The following GALNT7 variants were observed in gnomAD, a reference collection of about 807,000 sequenced individuals.
The protein encoded by GALNT7 is polypeptide N-acetylgalactosaminyltransferase 7.
GALNT7 carries 60 observed loss-of-function variants against 82.1 expected under a neutral mutation model. The ratio of observed to expected loss-of-function variants is 0.73; its 90% CI spans 0.59 to 0.91. GALNT7 has a LOEUF of 0.91. Ranked by LOEUF, GALNT7 falls within the 40% of genes least tolerant of loss-of-function variation. The probability of loss-of-function intolerance (pLI) is 0.00; values close to 1 mark genes in which losing one functional copy is unlikely to be tolerated. For missense variants in GALNT7, 660 were observed against 804.2 expected (o/e 0.82, Z 2.17); for synonymous variants, 243 against 275.1 (o/e 0.88, Z 1.15).
At chr4:173,184,344 C>G (rs920899919) in intron 1 of GALNT7, among the ~76,000 whole-genome samples, 2 of 152,108 alleles carry the variant, frequency 1.3e-5, no homozygotes, top group Non-Finnish European at 2.9e-5. Flanking sequence ...CGTCTGCAAT[C>G]CCTGCACCTA....
intron 1 of GALNT7, among the ~76,000 whole-genome samples, chr4:173,226,345 C>T (rs1047072131): frequency 6.6e-6 from 1 of 152,104 alleles, no homozygotes; most frequent in Non-Finnish European, 1.5e-5. Flanking sequence ...CCTTATATTA[C>T]ATCGGATAAA....
At chr4:173,254,776 G>A (rs1011658004) in intron 2 of GALNT7, among the ~76,000 whole-genome samples, 4 of 152,114 alleles carry the variant, frequency 2.6e-5, no homozygotes, top group African/African-American at 9.7e-5. Context: ...GCAATTTTAG[G>A]TCTAATGTTC....
chr4:173,293,689 T>C (rs1736618575), intron 3 of GALNT7, among the ~76,000 whole-genome samples: 1 of 152,156 alleles, frequency 6.6e-6, no homozygotes, highest in Non-Finnish European at 1.5e-5. Context: ...TGCGACTGAG[T>C]TGGGCCGAAG....
intron 1 of GALNT7, among the ~76,000 whole-genome samples, chr4:173,176,086 TAAAAA>T (rs1415339291): frequency 2.6e-5 from 4 of 151,458 alleles, no homozygotes; most frequent in Middle Eastern, 3.4e-3. Flanking sequence ...AAAAAAAAAT[TAAAAA>T]CAAAAAGAAA....
chr4:173,318,669 C>T, intron 11 of GALNT7, 110 bp downstream of exon 11: 1 of 719,408 alleles, frequency 1.4e-6, no homozygotes, highest in Non-Finnish European at 2.3e-6. Context: ...AATTCACTTG[C>T]ATTTTCCTCT....
chr4:173,217,218 A>G (rs1419712992), intron 1 of GALNT7, among the ~76,000 whole-genome samples: 1 of 152,184 alleles, frequency 6.6e-6, no homozygotes, highest in East Asian at 1.9e-4. Flanking sequence ...ATGTATAGGC[A>G]TGATCCTCAT....
intron 8 of GALNT7, among the ~76,000 whole-genome samples, chr4:173,308,852 G>A (rs575706292): frequency 6.6e-6 from 1 of 152,300 alleles, no homozygotes; most frequent in South Asian, 2.1e-4. Flanking sequence ...GCAGTGAGCC[G>A]AGATCTCGCT....
intron 1 of GALNT7, among the ~76,000 whole-genome samples, chr4:173,176,160 A>G (rs1278341645): frequency 2.6e-5 from 4 of 152,350 alleles, no homozygotes; most frequent in Admixed American, 6.5e-5. Flanking sequence ...GCCAGAGCAG[A>G]GTCTTCAGGA....
At chr4:173,310,137 C>A (rs1439865338) in intron 8 of GALNT7, among the ~76,000 whole-genome samples, 8 of 152,210 alleles carry the variant, frequency 5.3e-5, no homozygotes, top group Non-Finnish European at 1.2e-4. Context: ...TCTGTTTCTC[C>A]AGCTCATTTG....
chr4:173,191,843 C>T (rs1732639388), intron 1 of GALNT7, among the ~76,000 whole-genome samples: 2 of 152,154 alleles, frequency 1.3e-5, no homozygotes, highest in Middle Eastern at 3.4e-3. Context: ...TGTGACTCAT[C>T]GAAAAACTAC....
chr4:173,308,819 C>A (rs1737260254), intron 8 of GALNT7, among the ~76,000 whole-genome samples: 1 of 152,164 alleles, frequency 6.6e-6, no homozygotes. Flanking sequence ...AGGAGAATCG[C>A]TTGAACCCTG....
At chr4:173,182,817 T>TACACACAC (rs66792322) in intron 1 of GALNT7, among the ~76,000 whole-genome samples, 68 of 134,920 alleles carry the variant, frequency 5.0e-4, no homozygotes, top group Middle Eastern at 8.5e-3. Context: ...TTACTCATAA[T>TACACACAC]ACACACACAC....
At chr4:173,177,013 G>A (rs1214360835) in intron 1 of GALNT7, among the ~76,000 whole-genome samples, 1 of 152,230 alleles carries the variant, frequency 6.6e-6, no homozygotes, top group East Asian at 1.9e-4. Flanking sequence ...GAATTGCCCA[G>A]TGGGAGGAGG....
intron 1 of GALNT7, among the ~76,000 whole-genome samples, chr4:173,225,785 G>C (rs1291653078): frequency 1.3e-5 from 2 of 152,192 alleles, no homozygotes; most frequent in Admixed American, 6.5e-5. Context: ...TGTTGTTAGA[G>C]ATACCTGACA....
At chr4:173,212,614 C>T (rs544070472) in intron 1 of GALNT7, among the ~76,000 whole-genome samples, 2 of 112,792 alleles carry the variant, frequency 1.8e-5, no homozygotes, top group South Asian at 7.7e-4. Context: ...TGTCTTCTGA[C>T]TCACTTCAGT....
chr4:173,190,728 G>A (rs1338743558), intron 1 of GALNT7, among the ~76,000 whole-genome samples: 2 of 151,978 alleles, frequency 1.3e-5, no homozygotes, highest in African/African-American at 4.8e-5. Flanking sequence ...TGTTCAGTAA[G>A]TTTATTGAAC....
At chr4:173,298,657 T>G (rs1736809017) in intron 6 of GALNT7, among the ~76,000 whole-genome samples, 1 of 152,238 alleles carries the variant, frequency 6.6e-6, no homozygotes, top group South Asian at 2.1e-4. Context: ...TTCTATAAAT[T>G]TAAAATACAT....
chr4:173,288,337 C>T (rs1005615034), intron 2 of GALNT7, among the ~76,000 whole-genome samples: 1 of 148,976 alleles, frequency 6.7e-6, no homozygotes, highest in African/African-American at 2.5e-5. Context: ...TGGCTGTCCT[C>T]TTGACTGTTA....
chr4:173,261,325 A>G (rs1008462176), intron 2 of GALNT7, among the ~76,000 whole-genome samples: 1 of 152,134 alleles, frequency 6.6e-6, no homozygotes, highest in South Asian at 2.1e-4. Context: ...ATATCCAGAG[A>G]AAACCCATGC....
Sources: allele counts gnomAD v4.1 joint callset (sites outside exome capture counted in the v4.1 genomes callset), GRCh38; gene constraint gnomAD v4.1.1; transcripts MANE v1.5; gene names NCBI Gene and HGNC (gene_info 2026-07-23, HGNC 2026-07-21).